ZNF804B: variants seen among roughly 807,000 people sequenced by gnomAD.
ZNF804B encodes the protein zinc finger 804B.
A neutral mutation model predicts 101.4 loss-of-function variants in ZNF804B; 80 were observed. The ratio of observed to expected loss-of-function variants is 0.79; its 90% CI spans 0.66 to 0.95. The LOEUF is 0.95. Ranked by LOEUF, ZNF804B falls within the 40% of genes least tolerant of loss-of-function variation. The probability of loss-of-function intolerance (pLI) is 0.00; values close to 1 mark genes in which losing one functional copy is unlikely to be tolerated. For missense variants in ZNF804B, 1,673 were observed against 1,561.9 expected, an observed-to-expected ratio of 1.07 and a Z score of -1.20; for synonymous variants, 622 against 558.8, an observed-to-expected ratio of 1.11 and a Z score of -1.59.
intron 2 of ZNF804B, among the ~76,000 whole-genome samples, chr7:89,220,047 A>ATGTG (rs1788971232): frequency 2.6e-5 from 1 of 38,762 alleles, no homozygotes. Context: ...ATATATGTGC[A>ATGTG]TATATACATA....
In ZNF804B at chr7:89,218,141, A is replaced by AT. The variant is rs745966971; in HGVS notation, c.109-8dup. The AT allele has an allele frequency of 3.1e-6, 5 of 1,600,874 alleles. No homozygotes were observed. In the East Asian group the frequency reaches 6.7e-5, roughly 21 times the overall value. Reference sequence around the variant, plus strand: ...AGAGAAGTCTAACCAACATTTATGTATTTTTTCTTAAAGGATTTTGCAGAA... The same window carrying AT: ...AGAGAAGTCTAACCAACATTTATGTATTTTTTTCTTAAAGGATTTTGCAGAA... On this transcript the variant is annotated splice_polypyrimidine_tract_variant and intron_variant, in intron 1 of 3. Transcript: ENST00000333190.
At chr7:88,788,728 A>G (rs1181845990) in intron 1 of ZNF804B, among the ~76,000 whole-genome samples, 1 of 152,138 alleles carries the variant, frequency 6.6e-6, no homozygotes, top group African/African-American at 2.4e-5. Flanking sequence ...AGATACAAAC[A>G]TGTATTTGAA....
At chr7:88,793,453 C>T (rs568330201) in intron 1 of ZNF804B, among the ~76,000 whole-genome samples, 6 of 152,152 alleles carry the variant, frequency 3.9e-5, no homozygotes, top group African/African-American at 1.4e-4. Flanking sequence ...AATGATGTTG[C>T]ATGGAGTAGC....
chr7:89,181,487 A>C (rs116529402), intron 1 of ZNF804B, among the ~76,000 whole-genome samples: 1 of 152,056 alleles, frequency 6.6e-6, no homozygotes. Context: ...CTGAGTTCCA[A>C]TGCAATGTCC....
In ZNF804B at chr7:89,333,748, A is replaced by G. The variant is rs776309098; in HGVS notation, c.766A>G (p.Thr256Ala). 1.2e-5 allele frequency: 19 copies of G among 1,613,492 alleles called. No individual in the cohort carries two copies. Among genetic ancestry groups the G allele is most frequent in the African/African-American group, 4.0e-5 (3 of 74,900 alleles). ...HDCNKSPIYK[T>A]KQTADKCKCC... ...TTGTAACAAGTCACCCATTTATAAA[A>G]CAAAACAAACTGCAGATAAGTGCAA... The change falls in exon 4 of 4, where the codon ACA becomes GCA. Residue 256 changes from threonine (T) to alanine (A), a missense_variant. Physicochemically the swap from Thr to Ala is moderately conservative, Grantham distance 58 (BLOSUM62 0). Coordinates refer to ENST00000333190, the MANE Select transcript of ZNF804B (RefSeq NM_181646.5).
At chr7:88,824,306 G>A (rs772746667) in intron 1 of ZNF804B, among the ~76,000 whole-genome samples, 1 of 152,124 alleles carries the variant, frequency 6.6e-6, no homozygotes, top group Non-Finnish European at 1.5e-5. Flanking sequence ...GCCTCATGCT[G>A]TTCTTGTGTT....
At chr7:88,981,015 C>T (rs1375484834) in intron 1 of ZNF804B, among the ~76,000 whole-genome samples, 1 of 152,044 alleles carries the variant, frequency 6.6e-6, no homozygotes, top group Non-Finnish European at 1.5e-5. Flanking sequence ...TGAGCTGACA[C>T]CCAAACTCTA....
At chr7:89,082,383 T>A (rs888710177) in intron 1 of ZNF804B, among the ~76,000 whole-genome samples, 2 of 151,710 alleles carry the variant, frequency 1.3e-5, no homozygotes, top group Non-Finnish European at 3.0e-5. Context: ...ATTAGTGTTT[T>A]TTTATTATTT....
chr7:88,815,561 G>A (rs1161329257), intron 1 of ZNF804B, among the ~76,000 whole-genome samples: 1 of 151,760 alleles, frequency 6.6e-6, no homozygotes, highest in East Asian at 1.9e-4. Flanking sequence ...CCCCTTGTGG[G>A]CACCTTTCCC....
At chr7:88,792,977 C>A (rs1171069776) in intron 1 of ZNF804B, among the ~76,000 whole-genome samples, 1 of 151,200 alleles carries the variant, frequency 6.6e-6, no homozygotes, top group Non-Finnish European at 1.5e-5. Flanking sequence ...ATATGCAGAA[C>A]AAAATTTTCT....
chr7:89,118,060 A>G (rs778986534), intron 1 of ZNF804B, among the ~76,000 whole-genome samples: 28 of 152,188 alleles, frequency 1.8e-4, no homozygotes, highest in Non-Finnish European at 3.2e-4. Context: ...ACAATCAAGG[A>G]ACAGCTAATC....
chr7:89,327,562 C>T, intron 3 of ZNF804B, 88 bp downstream of exon 3: 1 of 1,494,854 alleles, frequency 6.7e-7, no homozygotes, highest in Non-Finnish European at 9.0e-7. Context: ...ACAATGTAAA[C>T]AAATAATAAC....
intron 1 of ZNF804B, among the ~76,000 whole-genome samples, chr7:89,198,325 T>C (rs1046475343): frequency 2.6e-5 from 4 of 151,940 alleles, no homozygotes; most frequent in Non-Finnish European, 4.4e-5. Context: ...ATACCTTTCA[T>C]TTTACTATTT....
At chr7:88,892,241 A>G (rs959428496) in intron 1 of ZNF804B, among the ~76,000 whole-genome samples, 2 of 152,146 alleles carry the variant, frequency 1.3e-5, no homozygotes, top group Non-Finnish European at 2.9e-5. Context: ...TATTTCCAGC[A>G]TCATAGGCCT....
intron 2 of ZNF804B, among the ~76,000 whole-genome samples, chr7:89,241,342 C>G (rs1789367232): frequency 6.6e-6 from 1 of 152,038 alleles, no homozygotes. Context: ...TTCATAACAA[C>G]CTTTGTTGGT....
intron 2 of ZNF804B, among the ~76,000 whole-genome samples, chr7:89,264,675 T>C (rs36037669): frequency 0.17 from 25,483 of 152,138 alleles, 2,692 homozygotes; most frequent in African/African-American, 0.29. Flanking sequence ...TCTTGCTACA[T>C]TGTGTGATCT....
Position 89,071,781 on chromosome 7 carries a change from T to TACACACACACACACACAC in ZNF804B, c.109-146368_109-146351dup, listed in dbSNP as rs36061852. 4.1e-5 allele frequency among the ~76,000 whole-genome samples: 6 copies of TACACACACACACACACAC among 147,838 alleles called. 1 individual carries two copies. Among genetic ancestry groups the TACACACACACACACACAC allele is most frequent in the African/African-American group, 1.5e-4 (6 of 39,040 alleles). ...GTAGATATTTATGCACACACAAATG[T>TACACACACACACACACAC]ACACACACACACACACACACACATT... On this transcript the variant is annotated intron_variant, in intron 1 of 3. Coordinates refer to ENST00000333190, the MANE Select transcript of ZNF804B (RefSeq NM_181646.5).
chr7:89,046,377 A>G (rs1157931606), intron 1 of ZNF804B, among the ~76,000 whole-genome samples: 1 of 152,220 alleles, frequency 6.6e-6, no homozygotes, highest in Non-Finnish European at 1.5e-5. Flanking sequence ...TAGAATGTCA[A>G]AGACATGGGA....
intron 1 of ZNF804B, among the ~76,000 whole-genome samples, chr7:88,931,250 C>G (rs1792880408): frequency 6.6e-6 from 1 of 151,852 alleles, no homozygotes; most frequent in African/African-American, 2.4e-5. Flanking sequence ...ACCAAAGAAT[C>G]AAATCCATAG....
Sources: gnomAD v4.1 joint callset for allele counts (sites outside exome capture counted in the v4.1 genomes callset) on GRCh38, gnomAD v4.1.1 for gene constraint, MANE v1.5 for transcripts, NCBI Gene and HGNC (gene_info 2026-07-23, HGNC 2026-07-21) for gene names.